INTS11: variants seen among roughly 807,000 people sequenced by gnomAD.
The protein encoded by INTS11 is CPSF3-like protein.
INTS11 carries 77 observed loss-of-function variants against 78.6 expected under a neutral mutation model. That is an observed-to-expected ratio of 0.98 (90% CI 0.81 to 1.18). The LOEUF is 1.18. Ranked by LOEUF, INTS11 falls within the 50% of genes most tolerant of loss-of-function variation. The pLI is 0.00. For synonymous variants in INTS11, 441 were observed against 326.9 expected, an observed-to-expected ratio of 1.35 and a Z score of -3.77; for missense variants, 875 against 825.9, an observed-to-expected ratio of 1.06 and a Z score of -0.73.
At chr1:1,313,422 G>A in intron 10 of INTS11, 87 bp downstream of exon 10, 1 of 1,478,736 alleles carries the variant, frequency 6.8e-7, no homozygotes, top group Non-Finnish European at 9.4e-7. Flanking sequence ...ACGAGGCCAA[G>A]CCAGTGAGAG....
intron 9 of INTS11, 44 bp downstream of exon 9, chr1:1,313,688 C>T: frequency 1.2e-6 from 2 of 1,610,068 alleles, no homozygotes; most frequent in Non-Finnish European, 1.7e-6. Flanking sequence ...AGACAGGAGA[C>T]CGACGGGTGT....
At chr1:1,315,692 G>A (rs1399656815) in intron 4 of INTS11, 74 bp from the exon 5 acceptor site, 50 of 448,356 alleles carry the variant, frequency 1.1e-4, no homozygotes, top group Admixed American at 7.7e-4. Context: ...GCGGGGGACG[G>A]GAAGCGCGGG....
intron 3 of INTS11, chr1:1,319,772 G>A (rs1007745790): frequency 1.9e-6 from 1 of 535,438 alleles, no homozygotes; most frequent in African/African-American, 1.9e-5. Flanking sequence ...GCGAGACAAT[G>A]CAAAGCTGCT....
chr1:1,315,224 C>T, intron 6 of INTS11, 180 bp downstream of exon 6: 2 of 775,996 alleles, frequency 2.6e-6, no homozygotes, highest in Non-Finnish European at 2.1e-6. Context: ...GGGACAGAGG[C>T]CCCTGCCTGG....
chr1:1,319,563 GC>G, intron 3 of INTS11, 39 bp from the exon 4 acceptor site: 1 of 1,451,746 alleles, frequency 6.9e-7, no homozygotes, highest in Non-Finnish European at 9.4e-7. Context: ...GGCCCACCCT[GC>G]CCCAGCCTTC....
In INTS11 at chr1:1,314,965, G is replaced by T. The variant is rs768639694; in HGVS notation, c.564-3C>A. 6.2e-7 allele frequency: 1 copy of T among 1,611,880 alleles called. No homozygotes were observed. Among genetic ancestry groups the T allele is most frequent in the South Asian group, 1.1e-5 (1 of 91,064 alleles). The stretch of plus-strand genomic sequence containing the variant: ...GGCACTTGTCAATCCAGGCAGCTCT[G>T]GAACACGGGGGTGGGGGTGTGAGCC... On this transcript the variant is annotated splice_region_variant and splice_polypyrimidine_tract_variant and intron_variant, in intron 6 of 16. Transcript: ENST00000435064. The surrounding 1 kb of genome is among the most constrained non-coding windows in gnomAD (Gnocchi z 4.2).
At chr1:1,321,820 G>A (rs1047203875) in intron 1 of INTS11, 15 of 1,023,934 alleles carry the variant, frequency 1.5e-5, no homozygotes, top group Admixed American at 1.2e-4. Context: ...CTGGGGGCCC[G>A]AGAGGAAAGG....
chr1:1,318,147 G>A (rs1642727480), intron 4 of INTS11, among the ~76,000 whole-genome samples: 1 of 152,128 alleles, frequency 6.6e-6, no homozygotes, highest in African/African-American at 2.4e-5. Flanking sequence ...TGGGATTACA[G>A]GCGTGAGCCA....
chr1:1,320,604 G>T, intron 2 of INTS11, 75 bp from the exon 3 acceptor site: 1 of 1,481,400 alleles, frequency 6.8e-7, no homozygotes, highest in Non-Finnish European at 9.4e-7. Flanking sequence ...GCCCCAGGGA[G>T]GGGCCCCCAG....
chr1:1,317,408 A>G (rs1642682948), intron 4 of INTS11: 4 of 921,870 alleles, frequency 4.3e-6, no homozygotes, highest in Non-Finnish European at 5.2e-6. Context: ...AAAAAAAAGA[A>G]AAAAAAAAAG....
chr1:1,319,439 T>G lies in INTS11; in HGVS notation c.286A>C (p.Thr96Pro), dbSNP rs1288671715. The G allele has an allele frequency of 1.2e-6, 2 of 1,612,742 alleles. No homozygotes were observed. The highest frequency in any genetic ancestry group is 2.7e-5 in the African/African-American group (2 of 74,890). ...AGCAAGATGGGGCAGATGGCCTGGG[T>G]GGGGTGAGTCATGTAGATGGGCCCG... ...YDGPIYMTHP[T>P]QAICPILLED... Residue 96 changes from threonine (T) to proline (P), a missense_variant, in exon 4 of 17, where the codon ACC becomes CCC. Thr to Pro is a conservative substitution (Grantham distance 38). Transcript: ENST00000435064.
intron 4 of INTS11, 45 bp downstream of exon 4, chr1:1,319,251 G>T (rs1358504552): frequency 1.4e-6 from 2 of 1,481,268 alleles, no homozygotes. Context: ...TGGTTGGTGT[G>T]GGGGTGGGCA....
chr1:1,314,038 A>G lies in INTS11; in HGVS notation c.768-117T>C, dbSNP rs899402309. 23 of 1,074,442 alleles carry G rather than the reference A, an allele frequency of 2.1e-5. No individual in the cohort carries two copies. The East Asian group carries it at 4.4e-4, about 20-fold the overall frequency. 66.6% of individuals were successfully genotyped at this position (1,074,442 alleles called of 1,614,324 possible). On this transcript the variant is annotated intron_variant, in intron 8 of 16. Coordinates refer to ENST00000435064, the MANE Select transcript of INTS11 (RefSeq NM_017871.6). This position sits in a 1 kb window ranked among gnomAD's most constrained non-coding sequence, Gnocchi z 4.2. ...CACAGCCCACGCACGGGCCAGGTTGAGTCCAGTCGCGACCACTTGTCCCAT... is the reference window on the plus strand; with the variant it reads ...CACAGCCCACGCACGGGCCAGGTTGGGTCCAGTCGCGACCACTTGTCCCAT...
chr1:1,314,800 T>C lies in INTS11; in HGVS notation c.702+24A>G, dbSNP rs370809438. 14 of 1,601,832 alleles carry C rather than the reference T, an allele frequency of 8.7e-6. No individual in the cohort carries two copies. The highest frequency in any genetic ancestry group is 3.3e-5 in the South Asian group (3 of 90,622). ...CCAGCCCAGCATGGCCGAGGGCCCA[T>C]GTCCCCACCCCTGCTGCAGCTACCT... is the stretch of plus-strand genomic sequence containing the variant. On this transcript the variant is annotated intron_variant, in intron 7 of 16. Coordinates refer to ENST00000435064, the MANE Select transcript of INTS11 (RefSeq NM_017871.6). This position sits in a 1 kb window ranked among gnomAD's most constrained non-coding sequence, Gnocchi z 4.2.
Position 1,312,323 on chromosome 1 carries a change from G to C in INTS11, c.1510C>G (p.Leu504Val). Residue 504 changes from leucine (L) to valine (V), a missense_variant, in exon 15 of 17, where the codon CTG becomes GTG. Physicochemically the swap from Leu to Val is conservative, Grantham distance 32. Transcript: ENST00000435064. Reference sequence around the variant, plus strand: ...GTGAAGCGCAGCTGGTGCTCAGCCAGACCCAGCTCTTTGAGGGCTTGCTCT... The same window carrying C: ...GTGAAGCGCAGCTGGTGCTCAGCCACACCCAGCTCTTTGAGGGCTTGCTCT... ...SSEQALKELG[L>V]AEHQLRFTCR... is the part of the protein sequence containing the mutation. The C allele has an allele frequency of 6.4e-7, 1 of 1,554,926 alleles. No homozygotes were observed. Among genetic ancestry groups the C allele is most frequent in the Non-Finnish European group, 8.7e-7 (1 of 1,149,350 alleles).
Position 1,315,398 on chromosome 1 carries a change from A to G in INTS11, c.563+6T>C. 1 of 1,613,224 alleles carries G rather than the reference A, an allele frequency of 6.2e-7. No homozygotes were observed. Among genetic ancestry groups the G allele is most frequent in the South Asian group, 1.1e-5 (1 of 91,074 alleles). On this transcript the variant is annotated splice_donor_region_variant and intron_variant, in intron 6 of 16. Transcript: ENST00000435064. The stretch of plus-strand genomic sequence containing the variant: ...ACGGGACAAAAAGACACCTCAGCCT[A>G]CTTACCCTAAGTGTCGGTCTGGGGT...
At chr1:1,320,709 G>T (rs1445083864) in intron 2 of INTS11, 180 bp from the exon 3 acceptor site, 1 of 744,686 alleles carries the variant, frequency 1.3e-6, no homozygotes, top group Admixed American at 2.0e-5. Context: ...GAGGGGCCGA[G>T]GTTACCCCCA....
intron 4 of INTS11, chr1:1,319,065 T>G (rs1298939906): frequency 1.4e-6 from 1 of 719,310 alleles, no homozygotes; most frequent in South Asian, 1.4e-5. Flanking sequence ...CATAAGCCGG[T>G]GCATACCCCC....
chr1:1,321,979 G>A, intron 1 of INTS11: 2 of 1,375,984 alleles, frequency 1.5e-6, no homozygotes, highest in Non-Finnish European at 1.9e-6. Context: ...ACAGCCGAGG[G>A]GCTGCCTGCC....
Sources: gnomAD v4.1 joint callset for allele counts (sites outside exome capture counted in the v4.1 genomes callset) on GRCh38, gnomAD v4.1.1 for gene constraint, Gnocchi (gnomAD v3.1) non-coding constraint, MANE v1.5 for transcripts, NCBI Gene and HGNC (gene_info 2026-07-23, HGNC 2026-07-21) for gene names.